The following ETV1 variants were observed in gnomAD, a reference collection of about 807,000 sequenced individuals.
ETV1 encodes ETS variant transcription factor 1, also known as ETS translocation variant 1.
Under a neutral mutation model 62.3 loss-of-function variants are expected in ETV1, and 27 were observed. The observed-to-expected ratio is 0.43, with a 90% CI of 0.32 to 0.60. The LOEUF (loss-of-function observed/expected upper bound fraction) is 0.60, where lower values mean the gene tolerates loss of function less well. Ranked by LOEUF, ETV1 falls within the 20% of genes least tolerant of loss-of-function variation. The pLI, the probability that ETV1 is intolerant of heterozygous loss-of-function variation, is 0.06. For synonymous variants in ETV1, 222 were observed against 199.6 expected (o/e 1.11, Z -0.94); for missense variants, 605 against 605.8 (o/e 1.00, Z 0.01).
intron 6 of ETV1, among the ~76,000 whole-genome samples, chr7:13,955,697 A>G (rs1313630774): frequency 6.6e-6 from 1 of 152,212 alleles, no homozygotes; most frequent in Non-Finnish European, 1.5e-5. Flanking sequence ...TAGGAACTAA[A>G]TGTATTGGAT....
chr7:13,897,887 G>A (rs538912261), intron 13 of ETV1, among the ~76,000 whole-genome samples: 116 of 152,254 alleles, frequency 7.6e-4, no homozygotes, highest in African/African-American at 2.7e-3. Context: ...TGTTTTGTTT[G>A]GGGCTGTGGA....
Position 13,988,135 on chromosome 7 carries a change from A to G in ETV1, c.84T>C (p.Asn28=), listed in dbSNP as rs376285751. The change falls in exon 4 of 14, where the codon AAT becomes AAC. Residue 28 remains asparagine, a synonymous_variant. Coordinates refer to ENST00000430479, the MANE Select transcript of ETV1 (RefSeq NM_004956.5). ...RGRNCNEKPT[N]VRKRKFINRD... ...TGTTAATGAATTTTCTTTTCCTGAC[A>G]TTTGTTGGTTTCTCGTTACAATTTC... 2.5e-6 allele frequency: 4 copies of G among 1,613,086 alleles called. No individual in the cohort carries two copies. The highest frequency in any genetic ancestry group is 1.1e-5 in the South Asian group (1 of 91,052).
intron 9 of ETV1, among the ~76,000 whole-genome samples, chr7:13,919,915 G>T (rs1300043254): frequency 6.6e-6 from 1 of 151,962 alleles, no homozygotes; most frequent in African/African-American, 2.4e-5. Flanking sequence ...AGAGAGAAGA[G>T]AGATCCAAAC....
chr7:13,988,465 C>G (rs1782748946), intron 3 of ETV1: 2 of 596,076 alleles, frequency 3.4e-6, no homozygotes, highest in Admixed American at 3.5e-5. Context: ...CAACCTGAAG[C>G]ATTTACACTT....
chr7:13,910,995 T>C (rs1254233608), intron 10 of ETV1, among the ~76,000 whole-genome samples: 2 of 152,180 alleles, frequency 1.3e-5, no homozygotes, highest in Non-Finnish European at 2.9e-5. Context: ...GATGTGGTTG[T>C]TGGCAAAAAA....
chr7:13,963,469 A>C (rs1422664932), intron 6 of ETV1, among the ~76,000 whole-genome samples: 1 of 151,666 alleles, frequency 6.6e-6, no homozygotes, highest in Non-Finnish European at 1.5e-5. Context: ...GTGTTTTACT[A>C]TATTCACAAC....
intron 3 of ETV1, chr7:13,988,595 G>GAAAAAAAAAAAAAGAAAAAAAGAAAAAA (rs1782768691): frequency 1.3e-6 from 1 of 769,000 alleles, no homozygotes; most frequent in African/African-American, 4.0e-5. Context: ...GTAGAGAAAT[G>GAAAAAAAAAAAAAGAAAAAAAGAAAAAA]AAAAAAAAAA....
chr7:13,962,900 C>T (rs779912249), intron 6 of ETV1, among the ~76,000 whole-genome samples: 2 of 152,098 alleles, frequency 1.3e-5, no homozygotes, highest in Non-Finnish European at 2.9e-5. Flanking sequence ...TATATGTATA[C>T]ACGGATGTGG....
At chr7:13,911,948 A>C (rs1783609926) in intron 9 of ETV1, among the ~76,000 whole-genome samples, 1 of 152,322 alleles carries the variant, frequency 6.6e-6, no homozygotes, top group South Asian at 2.1e-4. Flanking sequence ...ACTTCAAATT[A>C]ATTTTTAATG....
Position 13,944,373 on chromosome 7 carries a change from C to T in ETV1, c.236-5127G>A, listed in dbSNP as rs530762168. On this transcript the variant is annotated intron_variant, in intron 6 of 13. Coordinates refer to ENST00000430479, the MANE Select transcript of ETV1 (RefSeq NM_004956.5). ...CACTTCCTGGTTCACAGATAGCCAT[C>T]TTCTCGCTGCAACTTCACATAGCAG... Among the ~76,000 whole-genome samples the T allele has an allele frequency of 7.2e-5, 11 of 152,306 alleles. No homozygotes were observed. The East Asian group carries it at 2.1e-3, about 29-fold the overall frequency.
intron 5 of ETV1, among the ~76,000 whole-genome samples, chr7:13,982,102 T>C (rs931510024): frequency 6.6e-6 from 1 of 152,126 alleles, no homozygotes; most frequent in African/African-American, 2.4e-5. Context: ...TATTTCTATA[T>C]TCTTACTGTA....
chr7:13,933,207 G>C (rs768769215), intron 8 of ETV1, among the ~76,000 whole-genome samples: 3 of 152,180 alleles, frequency 2.0e-5, no homozygotes, highest in Non-Finnish European at 4.4e-5. Flanking sequence ...GTAACTGAAA[G>C]CTTTGTAAGG....
At position 13,912,113 on chromosome 7, in the gene ETV1, T is replaced by G. The variant is rs73679012; in HGVS notation, c.803-806A>C. 3.6e-3 allele frequency among the ~76,000 whole-genome samples: 543 copies of G among 152,330 alleles called. 4 individuals are homozygous for G. Among genetic ancestry groups the G allele is most frequent in the African/African-American group, 0.012 (518 of 41,576 alleles). ...CCTGCCACAAAATACTTTTATTGACTGCTGCACACCTGGATTGCGGCTATA... is the reference window on the plus strand; with the variant it reads ...CCTGCCACAAAATACTTTTATTGACGGCTGCACACCTGGATTGCGGCTATA... On this transcript the variant is annotated intron_variant, in intron 9 of 13. Coordinates refer to ENST00000430479, the MANE Select transcript of ETV1 (RefSeq NM_004956.5).
chr7:13,964,415 G>C (rs1331726963), intron 6 of ETV1, among the ~76,000 whole-genome samples: 1 of 152,128 alleles, frequency 6.6e-6, no homozygotes, highest in Non-Finnish European at 1.5e-5. Context: ...TAAATTCAGT[G>C]TTGAAAAGTT....
chr7:13,917,501 G>T lies in ETV1; in HGVS notation c.803-6194C>A, dbSNP rs1016381091. On this transcript the variant is annotated intron_variant, in intron 9 of 13. Coordinates refer to ENST00000430479, the MANE Select transcript of ETV1 (RefSeq NM_004956.5). ...CCCTGCTAATTTTGTACTTTTAGTA[G>T]AGACAGGGTTTCACTATCTTAAGTC... Among the ~76,000 whole-genome samples, 16 of 151,894 alleles carry T rather than the reference G, an allele frequency of 1.1e-4. No individual in the cohort carries two copies. The East Asian group carries it at 2.0e-3, about 19-fold the overall frequency.
At chr7:13,908,742 C>G (rs1783241895) in intron 11 of ETV1, among the ~76,000 whole-genome samples, 1 of 152,048 alleles carries the variant, frequency 6.6e-6, no homozygotes, top group Non-Finnish European at 1.5e-5. Flanking sequence ...AATTGAAAAG[C>G]AATCTGAGCA....
chr7:13,986,013 C>T, intron 5 of ETV1: 1 of 952,408 alleles, frequency 1.0e-6, no homozygotes, highest in Non-Finnish European at 1.6e-6. Context: ...AGGTCAATTT[C>T]AGCAAACATA....
At chr7:13,953,650 G>C (rs1225567233) in intron 6 of ETV1, among the ~76,000 whole-genome samples, 2 of 150,250 alleles carry the variant, frequency 1.3e-5, no homozygotes, top group East Asian at 2.0e-4. Flanking sequence ...ATGAAGACAG[G>C]TTCTTCCCAT....
At chr7:13,960,528 T>C (rs1484271958) in intron 6 of ETV1, among the ~76,000 whole-genome samples, 2 of 152,228 alleles carry the variant, frequency 1.3e-5, no homozygotes, top group Admixed American at 6.5e-5. Flanking sequence ...ATCACAAAAA[T>C]AGCAAATTAT....
Sources: allele counts gnomAD v4.1 joint callset (sites outside exome capture counted in the v4.1 genomes callset), GRCh38; gene constraint gnomAD v4.1.1; transcripts MANE v1.5; gene names NCBI Gene and HGNC (gene_info 2026-07-23, HGNC 2026-07-21).